Variants in RALGAPA1 observed in about 807,000 individuals in gnomAD.
The protein encoded by RALGAPA1 is ral GTPase-activating protein subunit alpha-1.
RALGAPA1 carries 52 observed loss-of-function variants against 269.6 expected under a neutral mutation model. The observed-to-expected ratio is 0.19, with a 90% confidence interval of 0.15 to 0.24. RALGAPA1 has a LOEUF of 0.24. RALGAPA1 is among the 10% of genes least tolerant of loss of function. The probability of loss-of-function intolerance (pLI) is 1.00; values close to 1 mark genes in which losing one functional copy is unlikely to be tolerated. For missense variants in RALGAPA1, 1,917 were observed against 3,013.9 expected, an observed-to-expected ratio of 0.64 and a Z score of 8.52; for synonymous variants, 817 against 1,008.3, an observed-to-expected ratio of 0.81 and a Z score of 3.60.
chr14:35,719,431 G>C (rs2069166632), intron 16 of RALGAPA1, among the ~76,000 whole-genome samples: 1 of 152,110 alleles, frequency 6.6e-6, no homozygotes, highest in Non-Finnish European at 1.5e-5. Context: ...AAATTTTTAA[G>C]GATTTAACTT....
chr14:35,741,229 T>C (rs1308369122), intron 11 of RALGAPA1, among the ~76,000 whole-genome samples: 2 of 152,194 alleles, frequency 1.3e-5, no homozygotes, highest in Non-Finnish European at 2.9e-5. Flanking sequence ...TGGCACATCA[T>C]GACTAAAAAA....
At chr14:35,724,916 G>T in intron 14 of RALGAPA1, 108 bp downstream of exon 14, 2 of 857,794 alleles carry the variant, frequency 2.3e-6, no homozygotes, top group African/African-American at 1.8e-5. Flanking sequence ...TTTTTTTTCT[G>T]GTAACAAGTT....
At chr14:35,694,957 G>GT (rs2066783858) in intron 17 of RALGAPA1, among the ~76,000 whole-genome samples, 1 of 152,094 alleles carries the variant, frequency 6.6e-6, no homozygotes, top group South Asian at 2.1e-4. Context: ...GCGGACTTCT[G>GT]TAGTCCCAGC....
intron 4 of RALGAPA1, among the ~76,000 whole-genome samples, chr14:35,763,319 C>T (rs2073876609): frequency 6.6e-6 from 1 of 152,118 alleles, no homozygotes; most frequent in Admixed American, 6.5e-5. Context: ...ATGTTTATTT[C>T]ACTTACCTGC....
intron 35 of RALGAPA1, among the ~76,000 whole-genome samples, chr14:35,608,464 AC>A (rs2059720533): frequency 6.6e-6 from 1 of 152,224 alleles, no homozygotes; most frequent in South Asian, 2.1e-4. Flanking sequence ...ACACCAACCA[AC>A]AATATATTTT....
intron 26 of RALGAPA1, among the ~76,000 whole-genome samples, chr14:35,665,450 C>T (rs2063853655): frequency 6.6e-6 from 1 of 152,138 alleles, no homozygotes; most frequent in African/African-American, 2.4e-5. Flanking sequence ...AAAACATCTG[C>T]AAATTGATTT....
intron 11 of RALGAPA1, among the ~76,000 whole-genome samples, chr14:35,740,571 C>G (rs2071451383): frequency 6.6e-6 from 1 of 152,148 alleles, no homozygotes; most frequent in African/African-American, 2.4e-5. Context: ...CTTTGGGAGG[C>G]TGAGGTGGGC....
chr14:35,739,330 G>A (rs751849348), intron 11 of RALGAPA1, among the ~76,000 whole-genome samples: 80 of 152,116 alleles, frequency 5.3e-4, no homozygotes, highest in Non-Finnish European at 9.3e-4. Context: ...ATATGCAAAA[G>A]GTTTAGTCCA....
chr14:35,786,782 C>T (rs902993763), intron 1 of RALGAPA1, among the ~76,000 whole-genome samples: 2 of 152,160 alleles, frequency 1.3e-5, no homozygotes, highest in Non-Finnish European at 2.9e-5. Context: ...AGGACCACTG[C>T]CTTCCACTTG....
At chr14:35,569,923 A>G (rs1168436013) in intron 39 of RALGAPA1, among the ~76,000 whole-genome samples, 6 of 152,190 alleles carry the variant, frequency 3.9e-5, no homozygotes, top group Non-Finnish European at 8.8e-5. Flanking sequence ...GTCGTAGAGT[A>G]CCTGACACAT....
intron 37 of RALGAPA1, 68 bp downstream of exon 37, chr14:35,595,566 T>TA: frequency 7.4e-7 from 1 of 1,349,230 alleles, no homozygotes; most frequent in East Asian, 2.3e-5. Flanking sequence ...ATTTCTTACT[T>TA]ACGTATTTTC....
At chr14:35,595,086 TAA>T (rs879597721) in intron 37 of RALGAPA1, among the ~76,000 whole-genome samples, 1 of 140,532 alleles carries the variant, frequency 7.1e-6, no homozygotes. Flanking sequence ...ATGTGGAATC[TAA>T]AAAAAAAAAA....
intron 1 of RALGAPA1, among the ~76,000 whole-genome samples, chr14:35,782,430 A>G (rs1326010122): frequency 6.6e-6 from 1 of 151,654 alleles, no homozygotes; most frequent in African/African-American, 2.4e-5. Context: ...TTTTTCTTCT[A>G]TTTTTTCTTT....
At chr14:35,730,810 T>A (rs1411482310) in intron 12 of RALGAPA1, among the ~76,000 whole-genome samples, 1 of 152,150 alleles carries the variant, frequency 6.6e-6, no homozygotes, top group African/African-American at 2.4e-5. Context: ...TCCTGGTAAC[T>A]GAAGACAAAG....
chr14:35,701,919 G>A (rs1326615574), intron 16 of RALGAPA1, among the ~76,000 whole-genome samples: 1 of 152,136 alleles, frequency 6.6e-6, no homozygotes, highest in Non-Finnish European at 1.5e-5. Flanking sequence ...AAAGTACTGA[G>A]ATTACATGAA....
chr14:35,716,575 A>G (rs1798080194), intron 16 of RALGAPA1, among the ~76,000 whole-genome samples: 2 of 152,106 alleles, frequency 1.3e-5, no homozygotes, highest in South Asian at 4.1e-4. Context: ...ATTAACAAAA[A>G]TTCCATAATA....
chr14:35,566,211 T>C (rs867178838), intron 39 of RALGAPA1, among the ~76,000 whole-genome samples: 8 of 152,104 alleles, frequency 5.3e-5, no homozygotes, highest in Middle Eastern at 3.2e-3. Flanking sequence ...AAGAAACAAG[T>C]GCAGCGAAGG....
chr14:35,675,917 T>A (rs771235541), intron 22 of RALGAPA1, among the ~76,000 whole-genome samples: 4 of 152,188 alleles, frequency 2.6e-5, no homozygotes, highest in African/African-American at 4.8e-5. Flanking sequence ...GTACATTCTT[T>A]ACTCCTAATG....
At chr14:35,766,476 G>A in intron 4 of RALGAPA1, 2 of 1,484,926 alleles carry the variant, frequency 1.3e-6, no homozygotes, top group East Asian at 4.5e-5. Context: ...AGCAATTGAA[G>A]TATCCTTTTC....
Sources: gnomAD v4.1 joint callset for allele counts (sites outside exome capture counted in the v4.1 genomes callset) on GRCh38, gnomAD v4.1.1 for gene constraint, MANE v1.5 for transcripts, NCBI Gene and HGNC (gene_info 2026-07-23, HGNC 2026-07-21) for gene names.